NLGN1: variants seen among roughly 807,000 people sequenced by gnomAD.
NLGN1 encodes neuroligin-1.
In NLGN1, 12 loss-of-function variants were observed where a neutral mutation model predicts 65.5. The observed-to-expected ratio is 0.18, with a 90% confidence interval of 0.12 to 0.30. The LOEUF is 0.30. Among genes scored for constraint, NLGN1 ranks in the 10% least tolerant of loss-of-function variants. The pLI, the probability that NLGN1 is intolerant of heterozygous loss-of-function variation, is 1.00. For missense variants in NLGN1, 750 were observed against 1,007.1 expected (o/e 0.74, Z 3.46); for synonymous variants, 350 against 359.5 (o/e 0.97, Z 0.30).
intron 2 of NLGN1, among the ~76,000 whole-genome samples, chr3:173,590,703 T>TA: frequency 6.6e-6 from 1 of 152,304 alleles, no homozygotes; most frequent in African/African-American, 2.4e-5. Flanking sequence ...TTTTGCTTTT[T>TA]AAAAAATGTA....
At chr3:174,285,061 G>A (rs994304963) in exon 7 of NLGN1, 1 of 151,270 alleles carries the variant, frequency 6.6e-6, no homozygotes, top group Non-Finnish European at 1.5e-5. Context: ...CACTCATCCT[G>A]ACATACGTAT....
intron 3 of NLGN1, among the ~76,000 whole-genome samples, chr3:173,698,844 GA>G (rs34604648): frequency 0.49 from 74,795 of 151,800 alleles, 20,313 homozygotes; most frequent in East Asian, 0.71. Context: ...TAGAAAACAG[GA>G]ATTTTTTTTG....
intron 3 of NLGN1, among the ~76,000 whole-genome samples, chr3:173,669,706 T>G (rs1762207469): frequency 6.6e-6 from 1 of 152,230 alleles, no homozygotes; most frequent in African/African-American, 2.4e-5. Context: ...AATATTGTTT[T>G]TTCTAACTTC....
chr3:174,021,599 G>A (rs1460265706), intron 4 of NLGN1, among the ~76,000 whole-genome samples: 1 of 152,044 alleles, frequency 6.6e-6, no homozygotes, highest in Non-Finnish European at 1.5e-5. Context: ...ACGAAGAAAA[G>A]AAAGGCAGTT....
chr3:174,066,512 AC>A (rs1560960818), intron 4 of NLGN1, among the ~76,000 whole-genome samples: 1 of 93,120 alleles, frequency 1.1e-5, no homozygotes, highest in Admixed American at 1.0e-4. Context: ...AGATTATGGA[AC>A]AAGTCTCTCT....
At chr3:173,816,862 T>A (rs1719135916) in intron 4 of NLGN1, among the ~76,000 whole-genome samples, 1 of 152,246 alleles carries the variant, frequency 6.6e-6, no homozygotes, top group Admixed American at 6.5e-5. Context: ...AGGGAGATCA[T>A]CCATGTTCAT....
At position 174,186,292 on chromosome 3, in the gene NLGN1, CT is replaced by C. The variant is rs568995975; in HGVS notation, c.647-89019del. On this transcript the variant is annotated intron_variant, in intron 4 of 6. Transcript: ENST00000457714. The stretch of plus-strand genomic sequence containing the variant: ...CCTGCCATTCTATAAAGTCCCATTG[CT>C]TTTAGCTTTAAATTTGGTTTCAGCC... 2.7e-4 allele frequency among the ~76,000 whole-genome samples: 41 copies of C among 152,114 alleles called. No homozygotes were observed. The South Asian group carries it at 8.3e-3, about 31-fold the overall frequency.
intron 4 of NLGN1, among the ~76,000 whole-genome samples, chr3:173,984,522 C>G (rs578011000): frequency 1.5e-4 from 23 of 152,114 alleles, no homozygotes; most frequent in Admixed American, 2.6e-4. Flanking sequence ...TACTATGTCT[C>G]TTTCTTAATT....
chr3:173,954,527 A>G (rs1165893310), intron 4 of NLGN1, among the ~76,000 whole-genome samples: 1 of 152,196 alleles, frequency 6.6e-6, no homozygotes, highest in Non-Finnish European at 1.5e-5. Context: ...AAGTGGAATC[A>G]GCATTTCACA....
At chr3:174,255,609 A>G (rs546326918) in intron 4 of NLGN1, among the ~76,000 whole-genome samples, 1 of 141,086 alleles carries the variant, frequency 7.1e-6, no homozygotes, top group African/African-American at 2.9e-5. Flanking sequence ...TTATAGAACT[A>G]AGTCTTTTTC....
intron 3 of NLGN1, among the ~76,000 whole-genome samples, chr3:173,758,922 T>C (rs1042250458): frequency 1.3e-5 from 2 of 151,968 alleles, no homozygotes; most frequent in African/African-American, 4.8e-5. Context: ...CTCCTGTGGA[T>C]CTCACACTGG....
At chr3:174,035,080 C>T (rs1433299580) in intron 4 of NLGN1, among the ~76,000 whole-genome samples, 1 of 152,114 alleles carries the variant, frequency 6.6e-6, no homozygotes, top group Non-Finnish European at 1.5e-5. Flanking sequence ...ACATAAAAAG[C>T]ACCTGCTCTG....
At chr3:173,829,313 C>T (rs1295783111) in intron 4 of NLGN1, among the ~76,000 whole-genome samples, 1 of 151,980 alleles carries the variant, frequency 6.6e-6, no homozygotes, top group Non-Finnish European at 1.5e-5. Context: ...TAATTAGATA[C>T]ACAAGTTTAG....
intron 2 of NLGN1, among the ~76,000 whole-genome samples, chr3:173,492,288 GATA>G (rs1219317098): frequency 6.6e-6 from 1 of 151,782 alleles, no homozygotes; most frequent in Non-Finnish European, 1.5e-5. Flanking sequence ...ATCTGCATTC[GATA>G]ATACCTCTGT....
intron 3 of NLGN1, among the ~76,000 whole-genome samples, chr3:173,709,237 T>C (rs1047123629): frequency 6.6e-6 from 1 of 152,190 alleles, no homozygotes; most frequent in African/African-American, 2.4e-5. Flanking sequence ...ATGGTCCTTC[T>C]AACACTGGAG....
chr3:173,616,388 A>G (rs1753082535), intron 3 of NLGN1, among the ~76,000 whole-genome samples: 1 of 152,128 alleles, frequency 6.6e-6, no homozygotes, highest in African/African-American at 2.4e-5. Context: ...AAACAAACAG[A>G]AAAACTTGTT....
intron 4 of NLGN1, among the ~76,000 whole-genome samples, chr3:174,224,663 C>T (rs953259874): frequency 6.6e-6 from 1 of 152,140 alleles, no homozygotes; most frequent in African/African-American, 2.4e-5. Flanking sequence ...TGTGCCATTG[C>T]ACGCCAGCCT....
chr3:173,586,949 TATC>T (rs544397688), intron 2 of NLGN1, among the ~76,000 whole-genome samples: 124 of 152,338 alleles, frequency 8.1e-4, no homozygotes, highest in African/African-American at 2.7e-3. Flanking sequence ...AGCTAGCAAA[TATC>T]ATTAAGTGGT....
At chr3:173,508,559 T>C (rs188939348) in intron 2 of NLGN1, among the ~76,000 whole-genome samples, 13 of 152,238 alleles carry the variant, frequency 8.5e-5, no homozygotes, top group Non-Finnish European at 1.9e-4. Flanking sequence ...TGGGTTGGGG[T>C]AGAGGTACGT....
Sources: allele counts gnomAD v4.1 joint callset (sites outside exome capture counted in the v4.1 genomes callset), GRCh38; gene constraint gnomAD v4.1.1; transcripts MANE v1.5; gene names NCBI Gene and HGNC (gene_info 2026-07-23, HGNC 2026-07-21).